The following ADCY8 variants were observed in gnomAD, a reference collection of about 807,000 sequenced individuals.
ADCY8 encodes adenylate cyclase type 8.
A neutral mutation model predicts 119.7 loss-of-function variants in ADCY8; 51 were observed. That is an observed-to-expected ratio of 0.43 (90% confidence interval 0.34 to 0.54). The LOEUF (loss-of-function observed/expected upper bound fraction) is 0.54. ADCY8 is among the 20% of genes least tolerant of loss of function. The pLI is 0.03. For synonymous variants in ADCY8, 665 were observed against 651.0 expected (o/e 1.02, Z -0.33); for missense variants, 1,383 against 1,598.8 (o/e 0.87, Z 2.30).
intron 9 of ADCY8, among the ~76,000 whole-genome samples, chr8:130,857,063 GCA>G (rs1817761758): frequency 6.9e-6 from 1 of 144,706 alleles, no homozygotes; most frequent in Non-Finnish European, 1.5e-5. Flanking sequence ...ATAGAACTTT[GCA>G]GGGCACACCA....
chr8:130,891,999 C>G (rs1008598604), intron 7 of ADCY8: 1 of 152,018 alleles, frequency 6.6e-6, no homozygotes, highest in Non-Finnish European at 1.5e-5. Context: ...ATATTTATGT[C>G]ACTGTAATCT....
intron 8 of ADCY8, among the ~76,000 whole-genome samples, chr8:130,868,179 C>T (rs974930208): frequency 1.3e-5 from 2 of 152,154 alleles, no homozygotes; most frequent in Admixed American, 1.3e-4. Flanking sequence ...TCCAGTTCTT[C>T]CCCTCCCTCT....
intron 2 of ADCY8, among the ~76,000 whole-genome samples, chr8:130,961,104 ACTTT>A (rs1821588535): frequency 1.3e-5 from 2 of 151,804 alleles, no homozygotes; most frequent in African/African-American, 4.8e-5. Context: ...ATCTCCAATC[ACTTT>A]CTTTCTTATT....
chr8:130,790,296 G>A (rs564792844), intron 15 of ADCY8, among the ~76,000 whole-genome samples: 17 of 152,302 alleles, frequency 1.1e-4, no homozygotes, highest in African/African-American at 2.4e-4. Flanking sequence ...CATGGGATGC[G>A]TTGGCTTTGA....
intron 9 of ADCY8, among the ~76,000 whole-genome samples, chr8:130,857,046 T>G (rs981601179): frequency 2.1e-5 from 3 of 142,966 alleles, no homozygotes; most frequent in Non-Finnish European, 4.5e-5. Flanking sequence ...GACCATCAAT[T>G]CCTGAAATAG....
chr8:131,018,875 T>C lies in ADCY8; in HGVS notation c.960+20499A>G, dbSNP rs143214415. 7.1e-3 allele frequency among the ~76,000 whole-genome samples: 1,079 copies of C among 152,298 alleles called. 17 individuals are homozygous for C. Among genetic ancestry groups the C allele is most frequent in the African/African-American group, 0.024 (983 of 41,548 alleles). On this transcript the variant is annotated intron_variant, in intron 1 of 17. Coordinates refer to ENST00000286355, the MANE Select transcript of ADCY8 (RefSeq NM_001115.3). ...TGTTAATCTCCTGGAGATTAACATA[T>C]AAGGAAGGGCATGGTTAGGAGGAGG... is the stretch of plus-strand genomic sequence containing the variant.
chr8:130,970,072 T>G (rs1821877326), intron 2 of ADCY8, among the ~76,000 whole-genome samples: 1 of 152,214 alleles, frequency 6.6e-6, no homozygotes, highest in African/African-American at 2.4e-5. Context: ...GCTATGCATG[T>G]GCTTTCAACC....
chr8:130,886,945 C>T lies in ADCY8; in HGVS notation c.1912-2184G>A, dbSNP rs7460375. The stretch of plus-strand genomic sequence containing the variant: ...GCAGCAGCAGCAGTAGCAACCACAG[C>T]TCTTTAATATGACCATTATGTAATA... On this transcript the variant is annotated intron_variant, in intron 7 of 17. Transcript: ENST00000286355. 5.8e-3 allele frequency among the ~76,000 whole-genome samples: 875 copies of T among 151,000 alleles called. 6 individuals carry two copies. The highest frequency in any genetic ancestry group is 0.01 in the Admixed American group (153 of 15,086).
intron 5 of ADCY8, among the ~76,000 whole-genome samples, chr8:130,916,972 C>A (rs1194156952): frequency 2.0e-5 from 3 of 152,180 alleles, no homozygotes; most frequent in Non-Finnish European, 2.9e-5. Flanking sequence ...CCCGACCGAG[C>A]TGGTCTTGGC....
chr8:130,803,255 C>T (rs1009725668), intron 14 of ADCY8, among the ~76,000 whole-genome samples: 6 of 152,288 alleles, frequency 3.9e-5, no homozygotes, highest in South Asian at 4.1e-4. Flanking sequence ...TTTCTGCCTC[C>T]GCTAACCATT....
intron 5 of ADCY8, among the ~76,000 whole-genome samples, chr8:130,910,122 A>ACC (rs1819935609): frequency 6.6e-6 from 1 of 151,924 alleles, no homozygotes; most frequent in Admixed American, 6.6e-5. Flanking sequence ...GGTGTGAGCC[A>ACC]CCACGCCCGT....
intron 2 of ADCY8, among the ~76,000 whole-genome samples, chr8:130,983,208 T>A (rs1046401250): frequency 6.6e-6 from 1 of 152,202 alleles, no homozygotes; most frequent in African/African-American, 2.4e-5. Flanking sequence ...CAAACACCCA[T>A]GGAATCTGGC....
At chr8:130,988,421 T>G (rs557006337) in intron 2 of ADCY8, among the ~76,000 whole-genome samples, 6 of 152,336 alleles carry the variant, frequency 3.9e-5, no homozygotes, top group African/African-American at 1.4e-4. Flanking sequence ...CCACAAAAGA[T>G]AGCCTTTTCT....
At chr8:130,848,672 A>G (rs1250279265) in intron 10 of ADCY8, among the ~76,000 whole-genome samples, 1 of 152,180 alleles carries the variant, frequency 6.6e-6, no homozygotes, top group Non-Finnish European at 1.5e-5. Context: ...GGATTCAACC[A>G]CATGACAATG....
chr8:130,925,335 A>G (rs1376425642), intron 5 of ADCY8, among the ~76,000 whole-genome samples: 1 of 152,250 alleles, frequency 6.6e-6, no homozygotes, highest in Non-Finnish European at 1.5e-5. Flanking sequence ...CAAATTTTCC[A>G]GGACCCAAAC....
intron 15 of ADCY8, among the ~76,000 whole-genome samples, chr8:130,796,258 C>A (rs1277231557): frequency 1.3e-5 from 2 of 152,198 alleles, no homozygotes; most frequent in Non-Finnish European, 2.9e-5. Context: ...ATTTAATATC[C>A]ATCCAGCAGA....
chr8:130,824,679 T>C (rs1248718937), intron 12 of ADCY8, among the ~76,000 whole-genome samples: 1 of 152,256 alleles, frequency 6.6e-6, no homozygotes, highest in Non-Finnish European at 1.5e-5. Context: ...TTCCTGGTTG[T>C]TCATTCCTCC....
intron 1 of ADCY8, among the ~76,000 whole-genome samples, chr8:131,017,704 G>A (rs1823525143): frequency 6.6e-6 from 1 of 152,070 alleles, no homozygotes; most frequent in African/African-American, 2.4e-5. Flanking sequence ...AGGGGCCGAC[G>A]ATGGAGCCTA....
chr8:131,019,614 T>C (rs562415002), intron 1 of ADCY8, among the ~76,000 whole-genome samples: 2 of 152,314 alleles, frequency 1.3e-5, no homozygotes, highest in East Asian at 3.9e-4. Flanking sequence ...ACACATCCTA[T>C]TGCCATACAT....
Sources: allele counts gnomAD v4.1 joint callset (sites outside exome capture counted in the v4.1 genomes callset), GRCh38; gene constraint gnomAD v4.1.1; transcripts MANE v1.5; gene names NCBI Gene and HGNC (gene_info 2026-07-23, HGNC 2026-07-21).